The following RTL4 variants were observed in gnomAD, a reference collection of about 807,000 sequenced individuals.
The protein encoded by RTL4 is retrotransposon Gag-like protein 4.
Under a neutral mutation model 5.3 loss-of-function variants are expected in RTL4, and 4 were observed. That is an observed-to-expected ratio of 0.75 (90% CI 0.37 to 1.72). The LOEUF (loss-of-function observed/expected upper bound fraction) is 1.72, where lower values mean the gene tolerates loss of function less well. Among genes scored for constraint, RTL4 ranks in the 40% most tolerant of loss-of-function variants. The pLI, the probability that RTL4 is intolerant of heterozygous loss-of-function variation, is 0.04. For missense variants in RTL4, 260 were observed against 227.1 expected, an observed-to-expected ratio of 1.14 and a Z score of -0.93; for synonymous variants, 98 against 87.3, an observed-to-expected ratio of 1.12 and a Z score of -0.68.
the RTL4 span, among the ~76,000 whole-genome samples, chrX:112,332,243 A>T: frequency 9.0e-6 from 1 of 110,819 alleles, no homozygotes; most frequent in African/African-American, 3.3e-5. Context: ...GGGACTGTAA[A>T]CTGGTTCAAC....
the RTL4 span, among the ~76,000 whole-genome samples, chrX:112,253,187 C>T: frequency 9.0e-6 from 1 of 111,653 alleles, no homozygotes; most frequent in Non-Finnish European, 1.9e-5. Context: ...GTCTAGGCTG[C>T]TTGTGCTGTT....
the RTL4 span, among the ~76,000 whole-genome samples, chrX:112,129,823 T>C: frequency 8.9e-6 from 1 of 111,877 alleles, no homozygotes; most frequent in Non-Finnish European, 1.9e-5. Flanking sequence ...GGATAGAAGA[T>C]CAACATACAA....
chrX:112,305,117 T>C, the RTL4 span, among the ~76,000 whole-genome samples: 1 of 109,272 alleles, frequency 9.2e-6, no homozygotes, highest in South Asian at 4.0e-4. Context: ...ACTCATGGCA[T>C]GCTCATGGAG....
At chrX:112,393,147 C>CTTTTTTT in the RTL4 span, among the ~76,000 whole-genome samples, 3 of 81,487 alleles carry the variant, frequency 3.7e-5, no homozygotes, top group African/African-American at 1.0e-4. Context: ...TTCTTTCTTT[C>CTTTTTTT]TTTTTTTTTT....
At chrX:112,235,950 C>T in the RTL4 span, among the ~76,000 whole-genome samples, 3 of 111,513 alleles carry the variant, frequency 2.7e-5, no homozygotes, top group African/African-American at 9.8e-5. Context: ...AATAGCTTCT[C>T]ATAAGTACTC....
the RTL4 span, among the ~76,000 whole-genome samples, chrX:112,177,339 T>C: frequency 9.0e-6 from 1 of 111,323 alleles, no homozygotes; most frequent in Non-Finnish European, 1.9e-5. Flanking sequence ...CCAGCATTTG[T>C]TGTTTTTTGT....
chrX:112,236,930 A>G, the RTL4 span, among the ~76,000 whole-genome samples: 3 of 111,497 alleles, frequency 2.7e-5, no homozygotes, highest in Non-Finnish European at 5.6e-5. Context: ...AGAGAGGGCC[A>G]GAGGGTCAAA....
chrX:112,282,324 T>C, the RTL4 span, among the ~76,000 whole-genome samples: 1 of 112,275 alleles, frequency 8.9e-6, no homozygotes, highest in Non-Finnish European at 1.9e-5. Context: ...GGGCCTTCCA[T>C]TCTGTTCCAT....
At chrX:112,397,654 T>A in the RTL4 span, among the ~76,000 whole-genome samples, 1 of 112,177 alleles carries the variant, frequency 8.9e-6, no homozygotes, top group South Asian at 3.7e-4. Flanking sequence ...ATTTATTTGT[T>A]TTCATTGACT....
chrX:112,422,274 G>A, the RTL4 span, among the ~76,000 whole-genome samples: 1 of 111,449 alleles, frequency 9.0e-6, no homozygotes, highest in Non-Finnish European at 1.9e-5. Flanking sequence ...ATGCTTCTAA[G>A]TACTTTCTAG....
chrX:112,134,813 C>CT, the RTL4 span, among the ~76,000 whole-genome samples: 2 of 111,052 alleles, frequency 1.8e-5, no homozygotes, highest in African/African-American at 3.3e-5. Context: ...ATTATATGTA[C>CT]TTTTTTTTGG....
the RTL4 span, among the ~76,000 whole-genome samples, chrX:112,113,307 T>A: frequency 5.5e-4 from 61 of 110,989 alleles, no homozygotes; most frequent in East Asian, 0.014. Flanking sequence ...CACATTCATG[T>A]AGATAATAGC....
chrX:112,313,735 G>T, the RTL4 span, among the ~76,000 whole-genome samples: 2,448 of 109,806 alleles, frequency 0.022, 46 homozygotes, highest in East Asian at 0.079. Context: ...CAGTTATAGC[G>T]CTTGAGATGA....
chrX:112,101,578 A>G, the RTL4 span, among the ~76,000 whole-genome samples: 36 of 111,480 alleles, frequency 3.2e-4, no homozygotes, highest in African/African-American at 1.0e-3. Flanking sequence ...GAAATGACCC[A>G]TAGGTGACAA....
At chrX:112,201,877 A>G in the RTL4 span, among the ~76,000 whole-genome samples, 1 of 111,813 alleles carries the variant, frequency 8.9e-6, no homozygotes, top group African/African-American at 3.3e-5. Flanking sequence ...TTGCATAACT[A>G]CAGAACATGT....
the RTL4 span, among the ~76,000 whole-genome samples, chrX:112,447,472 G>A: frequency 5.3e-5 from 6 of 112,263 alleles, no homozygotes; most frequent in South Asian, 3.7e-4. Context: ...TCCAACATCC[G>A]TCTAACTCCG....
the RTL4 span, among the ~76,000 whole-genome samples, chrX:112,205,516 C>T: frequency 2.3e-3 from 253 of 110,904 alleles, 1 homozygote; most frequent in African/African-American, 7.9e-3. Context: ...AGGTAAATGC[C>T]GCTTGATTGA....
chrX:112,139,511 C>T, the RTL4 span, among the ~76,000 whole-genome samples: 61 of 112,222 alleles, frequency 5.4e-4, no homozygotes, highest in African/African-American at 1.8e-3. Context: ...AAAGTTTTAT[C>T]TACTCATTTT....
the RTL4 span, among the ~76,000 whole-genome samples, chrX:112,403,831 G>T: frequency 8.9e-6 from 1 of 112,220 alleles, no homozygotes; most frequent in Non-Finnish European, 1.9e-5. Flanking sequence ...GAAACAGTCA[G>T]CCCTGACAAA....
Sources: gnomAD v4.1 joint callset for allele counts (sites outside exome capture counted in the v4.1 genomes callset) on GRCh38, gnomAD v4.1.1 for gene constraint, MANE v1.5 for transcripts, NCBI Gene and HGNC (gene_info 2026-07-23, HGNC 2026-07-21) for gene names.